RGS5: variants seen among roughly 807,000 people sequenced by gnomAD.
The protein encoded by RGS5 is regulator of G protein signaling 5.
RGS5 carries 20 observed loss-of-function variants against 18.9 expected under a neutral mutation model. That is an observed-to-expected ratio of 1.06 (90% CI 0.74 to 1.54). The LOEUF is 1.54. RGS5 is among the 40% of genes most tolerant of loss of function. The pLI, the probability that RGS5 is intolerant of heterozygous loss-of-function variation, is 0.00. For synonymous variants in RGS5, 57 were observed against 76.2 expected (o/e 0.75, Z 1.31); for missense variants, 201 against 211.8 (o/e 0.95, Z 0.32).
At chr1:163,262,422 C>T (rs1648470645) in intron 2 of RGS5, among the ~76,000 whole-genome samples, 1 of 74,586 alleles carries the variant, frequency 1.3e-5, no homozygotes, top group Non-Finnish European at 2.7e-5. Flanking sequence ...GTTTTTTGTT[C>T]TTGCAATAGT....
chr1:163,308,915 T>C (rs1261753582), intron 1 of RGS5, among the ~76,000 whole-genome samples: 1 of 152,230 alleles, frequency 6.6e-6, no homozygotes, highest in African/African-American at 2.4e-5. Flanking sequence ...AAAAATATTA[T>C]GTCTAAAAAT....
rs1289096337 is a variant in RGS5 at position 163,208,527 on chromosome 1, A to AG, written c.69+8998_69+8999insC. Among the ~76,000 whole-genome samples, 5 of 135,794 alleles carry AG rather than the reference A, an allele frequency of 3.7e-5. No individual in the cohort carries two copies. The East Asian group carries it at 1.0e-3, about 27-fold the overall frequency. The allele number at this position is 135,794 out of a possible 152,430, so 89.1% of individuals were successfully genotyped here. ...AAGACTCCACCTCCATTAAAAAAAA[A>AG]AAAAAAAAAAAAAAAAAAGTCAGAA... On this transcript the variant is annotated intron_variant, in intron 1 of 5. Coordinates refer to the RGS5 transcript ENST00000367903.
At chr1:163,155,913 A>T (rs1657562302) in intron 3 of RGS5, among the ~76,000 whole-genome samples, 1 of 152,130 alleles carries the variant, frequency 6.6e-6, no homozygotes, top group Non-Finnish European at 1.5e-5. Flanking sequence ...TGTAATCTAC[A>T]TTACAATTCC....
At chr1:163,199,711 C>T (rs1659702934) in intron 1 of RGS5, among the ~76,000 whole-genome samples, 1 of 152,114 alleles carries the variant, frequency 6.6e-6, no homozygotes, top group East Asian at 1.9e-4. Flanking sequence ...TTGCTTCTGC[C>T]ATGGCCCAGT....
At chr1:163,307,486 A>G (rs1422192434) in intron 1 of RGS5, among the ~76,000 whole-genome samples, 2 of 152,182 alleles carry the variant, frequency 1.3e-5, no homozygotes, top group African/African-American at 4.8e-5. Flanking sequence ...TCAATACCCA[A>G]AAGATTTCTA....
intron 2 of RGS5, among the ~76,000 whole-genome samples, chr1:163,251,129 T>A (rs562762580): frequency 6.6e-6 from 1 of 152,190 alleles, no homozygotes; most frequent in Non-Finnish European, 1.5e-5. Context: ...TCAGGTTACA[T>A]TTATGTAAGA....
intron 1 of RGS5, chr1:163,212,918 A>T (rs977568654): frequency 1.3e-5 from 2 of 151,968 alleles, no homozygotes; most frequent in African/African-American, 4.8e-5. Flanking sequence ...GCCCTCCTAT[A>T]TCTGTGTCTT....
chr1:163,305,672 T>C (rs1340779744), intron 2 of RGS5, among the ~76,000 whole-genome samples: 1 of 152,244 alleles, frequency 6.6e-6, no homozygotes, highest in African/African-American at 2.4e-5. Flanking sequence ...GATTCTCTCT[T>C]CATGCTCCAC....
chr1:163,202,799 G>A lies in RGS5; in HGVS notation c.37C>T (p.Leu13=). ...KGLAALPHSC[L]ERAKEIKIKL... ...AAATAACTTGGTTCTCACCTTTCCA[G>A]GCATGAGTGGGGCAAAGCTGCAAGT... The change falls in exon 1 of 5, where the codon CTG becomes TTG. Residue 13 remains leucine, a synonymous_variant. Coordinates refer to ENST00000313961, the MANE Select transcript of RGS5 (RefSeq NM_003617.4). 1 of 1,613,518 alleles carries A rather than the reference G, an allele frequency of 6.2e-7. No individual in the cohort carries two copies. Among genetic ancestry groups the A allele is most frequent in the Non-Finnish European group, 8.5e-7 (1 of 1,179,628 alleles).
At chr1:163,293,964 T>C (rs978463126) in intron 2 of RGS5, among the ~76,000 whole-genome samples, 21 of 152,078 alleles carry the variant, frequency 1.4e-4, no homozygotes. Context: ...ATACAAGGAG[T>C]GGCCTCCCAA....
In RGS5 at chr1:163,239,854, C is replaced by T. The variant is rs554046668; in HGVS notation, c.-281+66379G>A. ...AAAATTTAGTTTTTGCATAACATGGCACTAAGATTGATCTGAAAAAAGTGT... is the reference window on the plus strand; with the variant it reads ...AAAATTTAGTTTTTGCATAACATGGTACTAAGATTGATCTGAAAAAAGTGT... On this transcript the variant is annotated intron_variant, in intron 2 of 5. Coordinates refer to the RGS5 transcript ENST00000618415. Among the ~76,000 whole-genome samples the T allele has an allele frequency of 2.6e-4, 39 of 152,204 alleles. No homozygotes were observed. In the South Asian group the frequency reaches 6.2e-3, roughly 24 times the overall value.
chr1:163,191,852 T>C (rs894442481), intron 1 of RGS5, among the ~76,000 whole-genome samples: 4 of 152,152 alleles, frequency 2.6e-5, no homozygotes, highest in Non-Finnish European at 5.9e-5. Flanking sequence ...TCAACAAAGC[T>C]TCCTCTGGGG....
intron 2 of RGS5, among the ~76,000 whole-genome samples, chr1:163,265,811 C>T (rs1648560363): frequency 6.6e-6 from 1 of 152,078 alleles, no homozygotes; most frequent in African/African-American, 2.4e-5. Context: ...TGATTTTTCC[C>T]TACCTCAATA....
chr1:163,253,046 T>C (rs1376625492), intron 2 of RGS5, among the ~76,000 whole-genome samples: 7 of 152,170 alleles, frequency 4.6e-5, no homozygotes, highest in African/African-American at 1.7e-4. Flanking sequence ...CACTAAACAA[T>C]AGGTATGATT....
At position 163,160,635 on chromosome 1, in the gene RGS5, C is replaced by T. The variant is rs114017965; in HGVS notation, c.217+1280G>A. Among the ~76,000 whole-genome samples the T allele has an allele frequency of 5.4e-3, 827 of 152,220 alleles. 9 individuals carry two copies. Among genetic ancestry groups the T allele is most frequent in the African/African-American group, 0.019 (795 of 41,540 alleles). ...TAATTCTATTGCAGGTAAGCAGAAGCTTATGACACCAAAAGCAAGACATAA... is the reference window on the plus strand; with the variant it reads ...TAATTCTATTGCAGGTAAGCAGAAGTTTATGACACCAAAAGCAAGACATAA... On this transcript the variant is annotated intron_variant, in intron 3 of 4. Coordinates refer to ENST00000313961, the MANE Select transcript of RGS5 (RefSeq NM_003617.4).
intron 4 of RGS5, among the ~76,000 whole-genome samples, chr1:163,148,696 C>T (rs922206463): frequency 6.6e-6 from 1 of 152,186 alleles, no homozygotes; most frequent in Non-Finnish European, 1.5e-5. Context: ...AGTGCAGGGC[C>T]ACTACATTGC....
At chr1:163,209,803 C>T (rs1038889451) in intron 1 of RGS5, among the ~76,000 whole-genome samples, 1 of 152,000 alleles carries the variant, frequency 6.6e-6, no homozygotes, top group African/African-American at 2.4e-5. Flanking sequence ...AGATAGTTTT[C>T]TTTTTCTTTA....
rs571841199 is a variant in RGS5, at chr1:163,255,012, T to A, written c.-281+51221A>T. 2.1e-3 allele frequency among the ~76,000 whole-genome samples: 313 copies of A among 152,330 alleles called. 1 individual carries two copies. Among genetic ancestry groups the A allele is most frequent in the South Asian group, 0.011 (53 of 4,820 alleles). On this transcript the variant is annotated intron_variant, in intron 2 of 5. Coordinates refer to the RGS5 transcript ENST00000618415. ...GTTCTGTTCCATTGATCTATATCTC[T>A]GTTTTGGTACCAGTACCATGCTGTT...
In RGS5 at chr1:163,182,931, G is replaced by C. The variant is rs527994065; in HGVS notation, c.45-14563C>G. Among the ~76,000 whole-genome samples the C allele has an allele frequency of 1.0e-4, 6 of 59,974 alleles. No homozygotes were observed. The South Asian group carries it at 3.3e-3, about 33-fold the overall frequency. The allele number at this position is 59,974 out of a possible 152,430, so 39.3% of individuals were successfully genotyped here. A position where few individuals can be genotyped will look rare whatever the true frequency, so the allele number is the denominator to read the frequency against. The stretch of plus-strand genomic sequence containing the variant: ...ATATACCACAAAAATATAAATGAAA[G>C]GGGTAGTAAAAGGTATTGGAGAAGG... On this transcript the variant is annotated intron_variant, in intron 1 of 4. Coordinates refer to ENST00000313961, the MANE Select transcript of RGS5 (RefSeq NM_003617.4).
Sources: allele counts gnomAD v4.1 joint callset (sites outside exome capture counted in the v4.1 genomes callset), GRCh38; gene constraint gnomAD v4.1.1; transcripts MANE v1.5; gene names NCBI Gene and HGNC (gene_info 2026-07-23, HGNC 2026-07-21).